KCTD10: variants seen among roughly 807,000 people sequenced by gnomAD.
KCTD10 encodes the protein potassium channel tetramerization domain containing 10.
A neutral mutation model predicts 34.6 loss-of-function variants in KCTD10; 13 were observed. The ratio of observed to expected loss-of-function variants is 0.38; its 90% CI spans 0.24 to 0.60. KCTD10 has a LOEUF of 0.60. Among genes scored for constraint, KCTD10 ranks in the 20% least tolerant of loss-of-function variants. The probability of loss-of-function intolerance (pLI) is 0.66; values close to 1 mark genes in which losing one functional copy is unlikely to be tolerated. For missense variants in KCTD10, 256 were observed against 420.3 expected (o/e 0.61, Z 3.42); for synonymous variants, 156 against 168.8 (o/e 0.92, Z 0.59).
In KCTD10 at chr12:109,451,813, C is replaced by T; in HGVS notation, c.724G>A (p.Val242Met). 1 of 1,612,662 alleles carries T rather than the reference C, an allele frequency of 6.2e-7. No homozygotes were observed. Among genetic ancestry groups the T allele is most frequent in the Non-Finnish European group, 8.5e-7 (1 of 1,179,272 alleles). ...VYATEKKQTK[V>M]EFPEARIYEE... Reference sequence around the variant, plus strand: ...TAAATCCGGGCTTCGGGAAACTCCACCTGTGTTCCCACAGTATACAGGGCA... The same window carrying T: ...TAAATCCGGGCTTCGGGAAACTCCATCTGTGTTCCCACAGTATACAGGGCA... The change falls in exon 7 of 7, where the codon GTG (valine) becomes ATG (methionine). Residue 242 changes from valine (V) to methionine (M), a missense_variant and splice_region_variant. Coordinates refer to ENST00000228495, the MANE Select transcript of KCTD10 (RefSeq NM_031954.5). The surrounding 1 kb of genome is among the most constrained non-coding windows in gnomAD (Gnocchi z 5.0).
intron 3 of KCTD10, 29 bp from the exon 4 acceptor site, chr12:109,458,107 A>C (rs759348023): frequency 1.9e-6 from 3 of 1,585,454 alleles, no homozygotes; most frequent in Admixed American, 3.3e-5. Flanking sequence ...CTTTCAGCCT[A>C]GGAGGCCTGC....
At chr12:109,470,006 C>A (rs1007418138) in intron 1 of KCTD10, 7 of 1,233,982 alleles carry the variant, frequency 5.7e-6, no homozygotes, top group Middle Eastern at 6.3e-4. Context: ...CCTAGTTTGT[C>A]CCAAAACCCA....
At chr12:109,472,338 T>A (rs1361452084) in intron 1 of KCTD10, among the ~76,000 whole-genome samples, 6 of 152,046 alleles carry the variant, frequency 3.9e-5, no homozygotes, top group Non-Finnish European at 7.4e-5. Flanking sequence ...TACACACACA[T>A]TAGCCTAGCC....
In KCTD10 at chr12:109,450,011, A is replaced by G. The variant is rs552754654; in HGVS notation, c.*1584T>C. On this transcript the variant is annotated 3_prime_UTR_variant, in exon 7 of 7. Coordinates refer to ENST00000228495, the MANE Select transcript of KCTD10 (RefSeq NM_031954.5). ...GTTTTATTGTAGACTTTGCTGTTGG[A>G]TACAAAATGAAGGCATACAACTGTC... is the stretch of plus-strand genomic sequence containing the variant. 3 of 351,874 alleles carry G rather than the reference A, an allele frequency of 8.5e-6. No individual in the cohort carries two copies. The highest frequency in any genetic ancestry group is 6.3e-5 in the African/African-American group (3 of 47,796). 21.8% of individuals were successfully genotyped at this position (351,874 alleles called of 1,614,324 possible).
chr12:109,473,782 C>CTT lies in KCTD10; in HGVS notation c.3+3476_3+3477dup, dbSNP rs34468971. On this transcript the variant is annotated intron_variant, in intron 1 of 6. Transcript: ENST00000228495. Reference sequence around the variant, plus strand: ...CCCCACTGTTGCTACTGGAATCCTGCTTTTTTTTTTTTTTTTGAGACTGAG... The same window carrying CTT: ...CCCCACTGTTGCTACTGGAATCCTGCTTTTTTTTTTTTTTTTTTGAGACTGAG... 6.6e-3 allele frequency among the ~76,000 whole-genome samples: 917 copies of CTT among 138,650 alleles called. 11 individuals are homozygous for CTT. Among genetic ancestry groups the CTT allele is most frequent in the African/African-American group, 0.021 (771 of 37,458 alleles). The allele number at this position is 138,650 out of a possible 152,430, so 91.0% of individuals were successfully genotyped here.
In KCTD10 at chr12:109,449,079, T is replaced by A. The variant is rs983189368; in HGVS notation, c.*2516A>T. The A allele has an allele frequency of 2.6e-5, 4 of 152,260 alleles. No homozygotes were observed. Among genetic ancestry groups the A allele is most frequent in the African/African-American group, 9.6e-5 (4 of 41,466 alleles). 9.4% of individuals were successfully genotyped at this position (152,260 alleles called of 1,614,324 possible). A position where few individuals can be genotyped will look rare whatever the true frequency, so the allele number is the denominator to read the frequency against. The stretch of plus-strand genomic sequence containing the variant: ...TTTGTAAAAAACTGTAGTTATTACA[T>A]TGCAATGAAATCTCTTTACCAAATC... On this transcript the variant is annotated 3_prime_UTR_variant, in exon 7 of 7. Coordinates refer to ENST00000228495, the MANE Select transcript of KCTD10 (RefSeq NM_031954.5).
chr12:109,467,118 C>G (rs553977697), intron 2 of KCTD10, among the ~76,000 whole-genome samples: 1 of 152,354 alleles, frequency 6.6e-6, no homozygotes, highest in South Asian at 2.1e-4. Context: ...AAGGATGCCA[C>G]ACTCAAATGA....
intron 6 of KCTD10, among the ~76,000 whole-genome samples, chr12:109,454,849 T>A (rs2135641772): frequency 6.6e-6 from 1 of 152,346 alleles, no homozygotes; most frequent in South Asian, 2.1e-4. Flanking sequence ...ACAGTTGGGA[T>A]CAGACCATGT....
rs556768456 is a variant in KCTD10 at position 109,458,144 on chromosome 12, G to A, written c.388-66C>T. On this transcript the variant is annotated intron_variant, in intron 3 of 6. Transcript: ENST00000228495. ...TAGCACTGCATTTTTAAAGTTGACC[G>A]GCTGGACAGGCTCTGGCGAGGGGAG... is the stretch of plus-strand genomic sequence containing the variant. The A allele has an allele frequency of 1.4e-4, 176 of 1,299,244 alleles. No individual in the cohort carries two copies. In the African/African-American group the frequency reaches 2.0e-3, roughly 14 times the overall value. The allele number at this position is 1,299,244 out of a possible 1,614,324, so 80.5% of individuals were successfully genotyped here.
intron 6 of KCTD10, chr12:109,455,652 A>G (rs1872976239): frequency 1.2e-5 from 2 of 166,940 alleles, no homozygotes; most frequent in Admixed American, 1.1e-4. Flanking sequence ...CGTTAAAGAA[A>G]TGACAGAGTG....
intron 1 of KCTD10, chr12:109,470,191 C>T (rs1330307668): frequency 1.3e-5 from 13 of 989,470 alleles, no homozygotes; most frequent in Non-Finnish European, 1.6e-5. Flanking sequence ...TCCTTATTGC[C>T]ATGTACCACT....
At chr12:109,453,840 G>A (rs547060883) in intron 6 of KCTD10, among the ~76,000 whole-genome samples, 20 of 151,780 alleles carry the variant, frequency 1.3e-4, no homozygotes, top group African/African-American at 4.8e-4. Flanking sequence ...ACACCCAGCT[G>A]CAAGATCTAC....
Position 109,450,314 on chromosome 12 carries a change from G to A in KCTD10, c.*1281C>T, listed in dbSNP as rs756840469. ...GGGAGGTAGGTCACTGAGAACACCC[G>A]TCCTACATAGGCGCTGCGCCCAGCC... On this transcript the variant is annotated 3_prime_UTR_variant, in exon 7 of 7. Coordinates refer to ENST00000228495, the MANE Select transcript of KCTD10 (RefSeq NM_031954.5). 55 of 397,680 alleles carry A rather than the reference G, an allele frequency of 1.4e-4. No individual in the cohort carries two copies. The highest frequency in any genetic ancestry group is 5.8e-4 in the Admixed American group (13 of 22,594). The allele number at this position is 397,680 out of a possible 1,614,324, so 24.6% of individuals were successfully genotyped here.
rs551556827 is a variant in KCTD10, at chr12:109,449,773, A to C, written c.*1822T>G. 2 of 151,500 alleles carry C rather than the reference A, an allele frequency of 1.3e-5. No individual in the cohort carries two copies. The highest frequency in any genetic ancestry group is 4.9e-5 in the African/African-American group (2 of 41,236). 9.4% of individuals were successfully genotyped at this position (151,500 alleles called of 1,614,324 possible). A position where few individuals can be genotyped will look rare whatever the true frequency, so the allele number is the denominator to read the frequency against. On this transcript the variant is annotated 3_prime_UTR_variant, in exon 7 of 7. Coordinates refer to ENST00000228495, the MANE Select transcript of KCTD10 (RefSeq NM_031954.5). ...TTTTCCATTTTCCTGGCCAACATTC[A>C]CTTCGACTTTCTAAAAAAGCTCAAC...
At position 109,460,030 on chromosome 12, in the gene KCTD10, T is replaced by C. The variant is rs924427483; in HGVS notation, c.387+606A>G. Among the ~76,000 whole-genome samples, 1 of 152,198 alleles carries C rather than the reference T, an allele frequency of 6.6e-6. No individual in the cohort carries two copies. Among genetic ancestry groups the C allele is most frequent in the African/African-American group, 2.4e-5 (1 of 41,440 alleles). ...TGCAGCATTATGGGTACTGGTCCGG[T>C]GCGGGGCCAGACACAGACATGTGGT... is the stretch of plus-strand genomic sequence containing the variant. On this transcript the variant is annotated intron_variant, in intron 3 of 6. Transcript: ENST00000228495. The surrounding 1 kb of genome is among the most constrained non-coding windows in gnomAD (Gnocchi z 4.5).
At position 109,460,591 on chromosome 12, in the gene KCTD10, G is replaced by T; in HGVS notation, c.387+45C>A. 1 of 1,575,176 alleles carries T rather than the reference G, an allele frequency of 6.3e-7. No homozygotes were observed. The highest frequency in any genetic ancestry group is 8.7e-7 in the Non-Finnish European group (1 of 1,154,614). On this transcript the variant is annotated intron_variant, in intron 3 of 6. Transcript: ENST00000228495. The surrounding 1 kb of genome is among the most constrained non-coding windows in gnomAD (Gnocchi z 4.5). ...GAGGGAAAATGAGGAAGGCAGGTAG[G>T]CTTGGTGCCTCTCCACCCATATGGG...
intron 2 of KCTD10, among the ~76,000 whole-genome samples, chr12:109,461,652 T>C (rs542823924): frequency 2.0e-5 from 3 of 152,056 alleles, no homozygotes; most frequent in Admixed American, 2.0e-4. Context: ...CTGGGAGTGG[T>C]ATTTGTAGAA....
rs188636745 is a variant in KCTD10, at chr12:109,471,312, T to C, written c.4-1584A>G. The C allele has an allele frequency of 6.6e-4, 648 of 985,464 alleles. 1 individual carries two copies. Among genetic ancestry groups the C allele is most frequent in the Middle Eastern group, 5.2e-3 (10 of 1,914 alleles). The allele number at this position is 985,464 out of a possible 1,614,324, so 61.0% of individuals were successfully genotyped here. On this transcript the variant is annotated intron_variant, in intron 1 of 6. Coordinates refer to ENST00000228495, the MANE Select transcript of KCTD10 (RefSeq NM_031954.5). ...TCAATTCAAGGTTATCCAACTCTTC[T>C]GGCCAACTCTCCCCAACTCCATGGC... is the stretch of plus-strand genomic sequence containing the variant.
intron 1 of KCTD10, among the ~76,000 whole-genome samples, chr12:109,474,863 C>T (rs975235435): frequency 1.3e-5 from 2 of 152,156 alleles, no homozygotes; most frequent in African/African-American, 4.8e-5. Flanking sequence ...AAATCCCTGA[C>T]CCCACGTTTT....
Sources: gnomAD v4.1 joint callset for allele counts (sites outside exome capture counted in the v4.1 genomes callset) on GRCh38, gnomAD v4.1.1 for gene constraint, Gnocchi (gnomAD v3.1) non-coding constraint, MANE v1.5 for transcripts, NCBI Gene and HGNC (gene_info 2026-07-23, HGNC 2026-07-21) for gene names.